Variants in NME5 observed in about 807,000 individuals in gnomAD.
NME5 encodes the protein nucleoside diphosphate kinase 5.
NME5 carries 18 observed loss-of-function variants against 21.6 expected under a neutral mutation model. That is an observed-to-expected ratio of 0.83 (90% CI 0.58 to 1.24). The LOEUF (loss-of-function observed/expected upper bound fraction) is 1.24, where lower values mean the gene tolerates loss of function less well. NME5 is among the 50% of genes most tolerant of loss of function. The pLI, the probability that NME5 is intolerant of heterozygous loss-of-function variation, is 0.00. For missense variants in NME5, 223 were observed against 255.4 expected (o/e 0.87, Z 0.86); for synonymous variants, 70 against 80.6 (o/e 0.87, Z 0.71).
chr5:138,122,974 CT>C (rs1304371933), intron 4 of NME5: 4 of 152,124 alleles, frequency 2.6e-5, no homozygotes, highest in Non-Finnish European at 5.9e-5. Context: ...GCCACCACCC[CT>C]GGTCCCCCAA....
At chr5:138,123,423 T>C (rs1751330649) in intron 4 of NME5, among the ~76,000 whole-genome samples, 1 of 152,126 alleles carries the variant, frequency 6.6e-6, no homozygotes, top group Non-Finnish European at 1.5e-5. Flanking sequence ...CTCTCCGAGT[T>C]CAAGTTTTTT....
chr5:138,129,931 C>T (rs574142762), intron 2 of NME5, among the ~76,000 whole-genome samples: 33 of 151,988 alleles, frequency 2.2e-4, no homozygotes, highest in South Asian at 1.5e-3. Flanking sequence ...CACTCCAGCC[C>T]GGGCGACAGA....
intron 2 of NME5, among the ~76,000 whole-genome samples, chr5:138,135,274 C>G (rs1408199084): frequency 8.4e-5 from 12 of 143,348 alleles, no homozygotes; most frequent in African/African-American, 3.1e-4. Context: ...GCCGAGATTG[C>G]GCCACTGCAC....
intron 5 of NME5, among the ~76,000 whole-genome samples, chr5:138,116,843 G>T (rs1347159445): frequency 2.0e-5 from 3 of 152,024 alleles, no homozygotes; most frequent in Non-Finnish European, 4.4e-5. Flanking sequence ...AATAAAGTTG[G>T]ACCCCTATAC....
intron 4 of NME5, among the ~76,000 whole-genome samples, chr5:138,123,681 G>T (rs1751335729): frequency 2.0e-5 from 3 of 152,024 alleles, no homozygotes; most frequent in Admixed American, 2.0e-4. Flanking sequence ...ACATTATTGT[G>T]GTTCATTGGT....
At chr5:138,130,314 T>A (rs1310010497) in intron 2 of NME5, among the ~76,000 whole-genome samples, 2 of 151,020 alleles carry the variant, frequency 1.3e-5, no homozygotes, top group Admixed American at 6.6e-5. Context: ...CCCCACTACA[T>A]TAGAGGTGGT....
Position 138,118,864 on chromosome 5 carries a change from A to G in NME5, c.509T>C (p.Leu170Pro). The G allele has an allele frequency of 6.2e-7, 1 of 1,613,760 alleles. No individual in the cohort carries two copies. The highest frequency in any genetic ancestry group is 8.5e-7 in the Non-Finnish European group (1 of 1,179,696). Residue 170 changes from leucine (L) to proline (P), a missense_variant, in exon 5 of 6, where the codon CTT (leucine) becomes CCT (proline). Physicochemically the swap from Leu to Pro is moderately conservative, Grantham distance 98. Coordinates refer to ENST00000265191, the MANE Select transcript of NME5 (RefSeq NM_003551.3). ...YLNLHIMPTL[L>P]EGLTELCKQK... ...CTTACAAAGCTCTGTGAGTCCTTCA[A>G]GCAGAGTTGGCATTATATGTAAATT...
chr5:138,131,192 C>G lies in NME5; in HGVS notation c.130-1724G>C, dbSNP rs1179510781. Among the ~76,000 whole-genome samples the G allele has an allele frequency of 2.2e-5, 3 of 139,194 alleles. No homozygotes were observed. The Admixed American group carries it at 2.3e-4, about 11-fold the overall frequency. The allele number at this position is 139,194 out of a possible 152,430, so 91.3% of individuals were successfully genotyped here. The stretch of plus-strand genomic sequence containing the variant: ...GACCAGCCTGGCCAACATGATGAAA[C>G]CCCGTCTCTGCTAAAAAAAAAAAAA... On this transcript the variant is annotated intron_variant, in intron 2 of 5. Transcript: ENST00000265191.
chr5:138,136,587 C>T, intron 2 of NME5, among the ~76,000 whole-genome samples: 1 of 151,704 alleles, frequency 6.6e-6, no homozygotes, highest in Non-Finnish European at 1.5e-5. Context: ...TTTGACTTTG[C>T]TTATGGTGTT....
chr5:138,133,105 T>C (rs1168828625), intron 2 of NME5, among the ~76,000 whole-genome samples: 2 of 151,874 alleles, frequency 1.3e-5, no homozygotes, highest in Non-Finnish European at 2.9e-5. Context: ...CATCTTTTTT[T>C]TTTTTTTTGA....
chr5:138,118,276 C>T (rs1470946282), intron 5 of NME5, among the ~76,000 whole-genome samples: 2 of 150,964 alleles, frequency 1.3e-5, no homozygotes, highest in African/African-American at 4.9e-5. Context: ...CAGGCACCCA[C>T]CACCACGCCC....
chr5:138,131,377 G>A lies in NME5; in HGVS notation c.130-1909C>T, dbSNP rs576315681. On this transcript the variant is annotated intron_variant, in intron 2 of 5. Coordinates refer to ENST00000265191, the MANE Select transcript of NME5 (RefSeq NM_003551.3). Reference sequence around the variant, plus strand: ...GCCTGGGCAACAAGAGTGAAACTCCGTCAAAAAAAAAAAATACAAAAATTA... The same window carrying A: ...GCCTGGGCAACAAGAGTGAAACTCCATCAAAAAAAAAAAATACAAAAATTA... Among the ~76,000 whole-genome samples, 6 of 149,674 alleles carry A rather than the reference G, an allele frequency of 4.0e-5. No homozygotes were observed. In the South Asian group the frequency reaches 1.1e-3, roughly 26 times the overall value.
chr5:138,126,874 A>T (rs999373864), intron 4 of NME5, among the ~76,000 whole-genome samples: 2 of 151,858 alleles, frequency 1.3e-5, no homozygotes, highest in African/African-American at 4.8e-5. Context: ...TTGAGCCCAG[A>T]AGGTCGAGGC....
At chr5:138,129,136 C>A (rs555292336) in intron 3 of NME5, 127 bp downstream of exon 3, 11 of 744,930 alleles carry the variant, frequency 1.5e-5, no homozygotes, top group East Asian at 2.8e-5. Context: ...CTCTGCCCCC[C>A]AAAAAAGTTG....
intron 2 of NME5, among the ~76,000 whole-genome samples, chr5:138,130,926 AAAAAAAG>A (rs1364810687): frequency 1.3e-5 from 2 of 150,278 alleles, no homozygotes; most frequent in African/African-American, 4.9e-5. Flanking sequence ...ACTCCGTCTA[AAAAAAAG>A]AAAAAAGAAA....
intron 2 of NME5, among the ~76,000 whole-genome samples, chr5:138,130,197 C>G (rs544569377): frequency 6.6e-6 from 1 of 152,214 alleles, no homozygotes; most frequent in South Asian, 2.1e-4. Context: ...GCGGAAGGAT[C>G]GCTTCATCCC....
rs553493357 is a variant in NME5, at chr5:138,131,253, C to A, written c.130-1785G>T. Among the ~76,000 whole-genome samples the A allele has an allele frequency of 2.7e-5, 4 of 147,760 alleles. 1 individual carries two copies. In the South Asian group the frequency reaches 6.5e-4, roughly 24 times the overall value. On this transcript the variant is annotated intron_variant, in intron 2 of 5. Transcript: ENST00000265191. ...AAAATTAGCCAGCCGTGGTGGCGGG[C>A]ACCTATAATCCCAGGTGCTTGGGAG...
intron 4 of NME5, among the ~76,000 whole-genome samples, chr5:138,122,481 T>A (rs1318864307): frequency 4.1e-4 from 49 of 119,840 alleles, no homozygotes; most frequent in Non-Finnish European, 8.9e-5. Context: ...TGTGCCTAAA[T>A]ATTATATTAT....
intron 5 of NME5, among the ~76,000 whole-genome samples, chr5:138,117,204 CAAAAA>C (rs34623624): frequency 4.7e-5 from 3 of 63,574 alleles, no homozygotes; most frequent in African/African-American, 6.6e-5. Flanking sequence ...GACCCTGTCT[CAAAAA>C]AAAAAAAAAA....
Sources: gnomAD v4.1 joint callset for allele counts (sites outside exome capture counted in the v4.1 genomes callset) on GRCh38, gnomAD v4.1.1 for gene constraint, MANE v1.5 for transcripts, NCBI Gene and HGNC (gene_info 2026-07-23, HGNC 2026-07-21) for gene names.